SOX5: variants seen among roughly 807,000 people sequenced by gnomAD.
The protein encoded by SOX5 is transcription factor SOX-5.
A neutral mutation model predicts 92.0 loss-of-function variants in SOX5; 9 were observed. The ratio of observed to expected loss-of-function variants is 0.10; its 90% CI spans 0.06 to 0.17. The LOEUF is 0.17. Ranked by LOEUF, SOX5 falls within the 10% of genes least tolerant of loss-of-function variation. SOX5 has a pLI of 1.00. For missense variants in SOX5, 642 were observed against 944.5 expected (o/e 0.68, Z 4.20); for synonymous variants, 344 against 336.3 (o/e 1.02, Z -0.25).
At chr12:23,591,409 A>G (rs1951532876) in intron 9 of SOX5, among the ~76,000 whole-genome samples, 1 of 152,142 alleles carries the variant, frequency 6.6e-6, no homozygotes, top group South Asian at 2.1e-4. Context: ...AATGTGGTCC[A>G]TCCTATAGAA....
At chr12:23,805,707 T>C (rs2095757431) in intron 3 of SOX5, among the ~76,000 whole-genome samples, 1 of 152,174 alleles carries the variant, frequency 6.6e-6, no homozygotes, top group South Asian at 2.1e-4. Context: ...GGAATCAGGA[T>C]GATCTATACA....
chr12:24,398,869 T>C (rs1960756073), intron 1 of SOX5, among the ~76,000 whole-genome samples: 1 of 151,626 alleles, frequency 6.6e-6, no homozygotes, highest in African/African-American at 2.4e-5. Context: ...ATACCAGTGC[T>C]GTGGACACGT....
intron 3 of SOX5, among the ~76,000 whole-genome samples, chr12:24,253,415 C>A (rs1033183756): frequency 6.6e-6 from 1 of 151,784 alleles, no homozygotes; most frequent in African/African-American, 2.4e-5. Flanking sequence ...TCTAGAAAAT[C>A]CAAAACTAGA....
chr12:24,060,903 G>A (rs1406060207), intron 4 of SOX5, among the ~76,000 whole-genome samples: 1 of 152,124 alleles, frequency 6.6e-6, no homozygotes, highest in East Asian at 1.9e-4. Flanking sequence ...CCTGTGATCT[G>A]GTCATGCTTA....
chr12:24,097,189 A>G (rs1945525909), intron 4 of SOX5, among the ~76,000 whole-genome samples: 1 of 152,126 alleles, frequency 6.6e-6, no homozygotes, highest in African/African-American at 2.4e-5. Flanking sequence ...ATTTGGAGAA[A>G]TGTTTATTCA....
intron 1 of SOX5, among the ~76,000 whole-genome samples, chr12:23,926,546 T>G (rs953244108): frequency 6.6e-6 from 1 of 152,146 alleles, no homozygotes; most frequent in Admixed American, 6.5e-5. Flanking sequence ...ACTTATGGAT[T>G]ATGTTTAGTA....
At chr12:24,530,383 G>A (rs556194171) in intron 1 of SOX5, among the ~76,000 whole-genome samples, 11 of 152,286 alleles carry the variant, frequency 7.2e-5, no homozygotes, top group South Asian at 6.2e-4. Flanking sequence ...AAAAAACTGG[G>A]TTGGGATATA....
At chr12:23,586,434 T>C (rs1245187466) in intron 9 of SOX5, among the ~76,000 whole-genome samples, 1 of 152,056 alleles carries the variant, frequency 6.6e-6, no homozygotes, top group Non-Finnish European at 1.5e-5. Flanking sequence ...GAAATAAATA[T>C]CATTATGATT....
Position 24,004,982 on chromosome 12 carries a change from A to C in SOX5, c.-1-108958T>G, listed in dbSNP as rs536382383. ...GCTAAAACTTGGAGTGAACTCAAAA[A>C]TATTACCCTAAGCGAAAGAAGGCAA... is the stretch of plus-strand genomic sequence containing the variant. On this transcript the variant is annotated intron_variant, in intron 4 of 4. Coordinates refer to the SOX5 transcript ENST00000446891. 2.1e-3 allele frequency among the ~76,000 whole-genome samples: 321 copies of C among 152,272 alleles called. 1 individual carries two copies. The highest frequency in any genetic ancestry group is 7.6e-3 in the Admixed American group (116 of 15,292).
chr12:24,061,263 C>T (rs1442534311), intron 4 of SOX5, among the ~76,000 whole-genome samples: 1 of 152,060 alleles, frequency 6.6e-6, no homozygotes, highest in Non-Finnish European at 1.5e-5. Context: ...TTTAAGGATC[C>T]ATAAGTATCC....
At chr12:23,694,777 G>A (rs1000733952) in intron 6 of SOX5, among the ~76,000 whole-genome samples, 7 of 152,022 alleles carry the variant, frequency 4.6e-5, no homozygotes, top group East Asian at 1.9e-4. Context: ...GAAAAATATC[G>A]TATATGATAT....
At chr12:24,126,359 T>C (rs1027266192) in intron 4 of SOX5, among the ~76,000 whole-genome samples, 4 of 152,124 alleles carry the variant, frequency 2.6e-5, no homozygotes, top group African/African-American at 9.7e-5. Flanking sequence ...ACAGGACCCA[T>C]TCATGTGGGT....
At position 23,570,842 on chromosome 12, in the gene SOX5, C is replaced by T. The variant is rs1423746184; in HGVS notation, c.1342+4819G>A. On this transcript the variant is annotated intron_variant, in intron 10 of 14. Coordinates refer to ENST00000451604, the MANE Select transcript of SOX5 (RefSeq NM_006940.6). ...AGGGGAATGGCGTGAACCCAGGAGG[C>T]GGAGCTTGCAGTGAGCCAAGATTGC... Among the ~76,000 whole-genome samples, 8 of 142,606 alleles carry T rather than the reference C, an allele frequency of 5.6e-5. No individual in the cohort carries two copies. In the East Asian group the frequency reaches 6.5e-4, roughly 12 times the overall value. 93.6% of individuals were successfully genotyped at this position (142,606 alleles called of 152,430 possible).
intron 4 of SOX5, among the ~76,000 whole-genome samples, chr12:23,998,947 C>A (rs578052577): frequency 6.6e-6 from 1 of 151,090 alleles, no homozygotes. Context: ...AAAAGAAATC[C>A]ACATCCAGAA....
chr12:23,771,533 G>T (rs1274632744), intron 3 of SOX5, among the ~76,000 whole-genome samples: 2 of 152,186 alleles, frequency 1.3e-5, no homozygotes, highest in African/African-American at 4.8e-5. Flanking sequence ...TACAACCGCT[G>T]ACTGAGTTTA....
intron 6 of SOX5, among the ~76,000 whole-genome samples, chr12:23,668,416 T>C (rs180796787): frequency 1.3e-5 from 2 of 152,314 alleles, no homozygotes; most frequent in East Asian, 1.9e-4. Flanking sequence ...GACTGTATTA[T>C]TCCTATATCT....
chr12:23,588,109 A>T lies in SOX5; in HGVS notation c.1165-12271T>A, dbSNP rs554776968. Among the ~76,000 whole-genome samples, 14 of 152,220 alleles carry T rather than the reference A, an allele frequency of 9.2e-5. No individual in the cohort carries two copies. In the South Asian group the frequency reaches 2.9e-3, roughly 32 times the overall value. On this transcript the variant is annotated intron_variant, in intron 9 of 14. Transcript: ENST00000451604. ...TGACTATTTATACAGAATGTCAGTTAAGGCCAGTTTTTATGTTATGCTCTG... is the reference window on the plus strand; with the variant it reads ...TGACTATTTATACAGAATGTCAGTTTAGGCCAGTTTTTATGTTATGCTCTG...
chr12:24,436,728 G>A (rs1424135793), intron 1 of SOX5, among the ~76,000 whole-genome samples: 1 of 152,208 alleles, frequency 6.6e-6, no homozygotes, highest in Non-Finnish European at 1.5e-5. Flanking sequence ...TATATTTGAA[G>A]AAGATGCCAT....
intron 7 of SOX5, 35 bp downstream of exon 7, chr12:23,665,409 C>T (rs1454048308): frequency 6.2e-7 from 1 of 1,611,124 alleles, no homozygotes; most frequent in Non-Finnish European, 8.5e-7. Context: ...CTTTGCCCTC[C>T]ACCCACTCCC....
Sources: allele counts gnomAD v4.1 joint callset (sites outside exome capture counted in the v4.1 genomes callset), GRCh38; gene constraint gnomAD v4.1.1; transcripts MANE v1.5; gene names NCBI Gene and HGNC (gene_info 2026-07-23, HGNC 2026-07-21).